PEAK1: variants seen among roughly 807,000 people sequenced by gnomAD.
PEAK1 encodes the protein inactive tyrosine-protein kinase PEAK1.
In PEAK1, 54 loss-of-function variants were observed where a neutral mutation model predicts 124.7. That is an observed-to-expected ratio of 0.43 (90% CI 0.35 to 0.54). PEAK1 has a LOEUF of 0.54. Among genes scored for constraint, PEAK1 ranks in the 20% least tolerant of loss-of-function variants. The pLI is 0.01. For missense variants in PEAK1, 2,046 were observed against 2,134.5 expected, an observed-to-expected ratio of 0.96 and a Z score of 0.82; for synonymous variants, 719 against 760.0, an observed-to-expected ratio of 0.95 and a Z score of 0.89.
chr15:77,114,630 C>T lies in PEAK1; in HGVS notation c.4767G>A (p.Lys1589=). 1.9e-6 allele frequency: 3 copies of T among 1,613,976 alleles called. No homozygotes were observed. The highest frequency in any genetic ancestry group is 1.7e-5 in the Admixed American group (1 of 60,006). ...GGATGCCTGTCTGGAACTCATCACA[C>T]TTTTTATACTGGGTAGCTGTTATGA... ...PEIITATQYK[K]CDEFQTGILI... Residue 1589 remains lysine (K), a synonymous_variant, in exon 10 of 10, where the codon AAG becomes AAA. Transcript: ENST00000682557.
At chr15:77,185,202 G>A (rs935689132) in intron 6 of PEAK1, among the ~76,000 whole-genome samples, 8 of 152,160 alleles carry the variant, frequency 5.3e-5, no homozygotes, top group African/African-American at 1.7e-4. Flanking sequence ...ATTGGAGGAG[G>A]TGCAACTTTT....
intron 3 of PEAK1, among the ~76,000 whole-genome samples, chr15:77,286,166 T>G (rs1188032676): frequency 6.6e-6 from 1 of 152,164 alleles, no homozygotes; most frequent in Non-Finnish European, 1.5e-5. Context: ...CATTTGGTTG[T>G]GCGGTTTTGA....
chr15:77,305,195 G>A (rs991772076), intron 2 of PEAK1, among the ~76,000 whole-genome samples: 4 of 119,716 alleles, frequency 3.3e-5, no homozygotes, highest in African/African-American at 9.4e-5. Flanking sequence ...GGGAGGGAGG[G>A]ACGGAAGGAG....
At chr15:77,224,897 C>T (rs551139973) in intron 6 of PEAK1, among the ~76,000 whole-genome samples, 42 of 152,032 alleles carry the variant, frequency 2.8e-4, no homozygotes, top group African/African-American at 8.7e-4. Context: ...TCCATTTCCA[C>T]AGCTGCACCT....
intron 1 of PEAK1, among the ~76,000 whole-genome samples, chr15:77,416,459 T>G (rs1454425371): frequency 6.6e-6 from 1 of 152,234 alleles, no homozygotes; most frequent in Non-Finnish European, 1.5e-5. Context: ...AACTGGTCCT[T>G]GCTTCCAGTT....
At chr15:77,271,123 C>T (rs1295054334) in intron 5 of PEAK1, among the ~76,000 whole-genome samples, 5 of 152,218 alleles carry the variant, frequency 3.3e-5, no homozygotes, top group African/African-American at 4.8e-5. Flanking sequence ...GGGCGAAGGA[C>T]ATGAACAGAC....
At chr15:77,266,533 T>C (rs1210698347) in intron 5 of PEAK1, among the ~76,000 whole-genome samples, 1 of 152,178 alleles carries the variant, frequency 6.6e-6, no homozygotes, top group Non-Finnish European at 1.5e-5. Context: ...AAGACTTAAA[T>C]GAAATGCAAA....
rs775754107 is a variant in PEAK1 at position 77,181,138 on chromosome 15, C to A, written c.789G>T (p.Glu263Asp). 1.2e-6 allele frequency: 2 copies of A among 1,614,190 alleles called. No individual in the cohort carries two copies. Among genetic ancestry groups the A allele is most frequent in the Non-Finnish European group, 1.7e-6 (2 of 1,180,030 alleles). ...AGCGAGGTTGCCCTCTCATGCGAAT[C>A]TCCATGGCCAACAGCTCTTCATCAC... is the stretch of plus-strand genomic sequence containing the variant. ...DESDEELLAM[E>D]IRMRGQPRFA... Residue 263 changes from glutamate to aspartate, a missense_variant, in exon 7 of 10, where the codon GAG becomes GAT. Transcript: ENST00000682557.
intron 5 of PEAK1, chr15:77,255,430 T>C (rs2061081418): frequency 1.1e-6 from 1 of 942,724 alleles, no homozygotes; most frequent in Non-Finnish European, 1.3e-6. Context: ...CTCCCTGCAT[T>C]AGAAAAGAAA....
intron 2 of PEAK1, among the ~76,000 whole-genome samples, chr15:77,301,098 A>C (rs1425828453): frequency 6.6e-6 from 1 of 152,044 alleles, no homozygotes; most frequent in Non-Finnish European, 1.5e-5. Flanking sequence ...AGTGATCAGA[A>C]ATTTATTTAT....
At chr15:77,397,698 C>T (rs1020527318) in intron 1 of PEAK1, among the ~76,000 whole-genome samples, 2 of 152,004 alleles carry the variant, frequency 1.3e-5, no homozygotes, top group Non-Finnish European at 2.9e-5. Flanking sequence ...GGACAAATTC[C>T]AACACACATA....
At chr15:77,405,002 T>C (rs1013872954) in intron 1 of PEAK1, among the ~76,000 whole-genome samples, 14 of 151,446 alleles carry the variant, frequency 9.2e-5, no homozygotes, top group African/African-American at 3.4e-4. Flanking sequence ...TAAGGTCAAT[T>C]AGTTTTTTGT....
intron 9 of PEAK1, among the ~76,000 whole-genome samples, chr15:77,126,521 GAAT>G (rs150014218): frequency 0.017 from 2,533 of 152,238 alleles, 66 homozygotes; most frequent in African/African-American, 0.057. Context: ...TGTTAAGAAA[GAAT>G]AATAGTGAGT....
chr15:77,275,587 G>C (rs1262194921), intron 5 of PEAK1, among the ~76,000 whole-genome samples: 1 of 151,874 alleles, frequency 6.6e-6, no homozygotes, highest in Non-Finnish European at 1.5e-5. Flanking sequence ...GTGATGGTGC[G>C]TGCCTGTAAT....
At chr15:77,161,393 T>C (rs2055625269) in intron 7 of PEAK1, among the ~76,000 whole-genome samples, 1 of 152,204 alleles carries the variant, frequency 6.6e-6, no homozygotes, top group South Asian at 2.1e-4. Context: ...CTTTGCAAAC[T>C]AAGGCAGCAC....
intron 6 of PEAK1, among the ~76,000 whole-genome samples, chr15:77,200,146 G>A (rs978265352): frequency 1.3e-5 from 2 of 151,890 alleles, no homozygotes; most frequent in African/African-American, 2.4e-5. Context: ...CCTCCTCCTC[G>A]GACTACTCAA....
chr15:77,171,739 C>T (rs2056523772), intron 7 of PEAK1, among the ~76,000 whole-genome samples: 5 of 152,110 alleles, frequency 3.3e-5, no homozygotes, highest in Admixed American at 2.6e-4. Context: ...ATGCTAATTT[C>T]CCTGATCTGC....
At chr15:77,323,527 T>C (rs1421737845) in intron 2 of PEAK1, among the ~76,000 whole-genome samples, 1 of 152,100 alleles carries the variant, frequency 6.6e-6, no homozygotes, top group Non-Finnish European at 1.5e-5. Flanking sequence ...TGAACTCCCA[T>C]TCACAATTGC....
intron 5 of PEAK1, among the ~76,000 whole-genome samples, chr15:77,257,505 T>A (rs1265913091): frequency 6.6e-6 from 1 of 150,990 alleles, no homozygotes; most frequent in Non-Finnish European, 1.5e-5. Context: ...TCATGTGTCT[T>A]TTGGCTGCAT....
Sources: gnomAD v4.1 joint callset for allele counts (sites outside exome capture counted in the v4.1 genomes callset) on GRCh38, gnomAD v4.1.1 for gene constraint, MANE v1.5 for transcripts, NCBI Gene and HGNC (gene_info 2026-07-23, HGNC 2026-07-21) for gene names.